PLCG2: variants seen among roughly 807,000 people sequenced by gnomAD.
PLCG2 encodes the protein 1-phosphatidylinositol 4,5-bisphosphate phosphodiesterase gamma-2.
Under a neutral mutation model 175.6 loss-of-function variants are expected in PLCG2, and 69 were observed. The ratio of observed to expected loss-of-function variants is 0.39; its 90% confidence interval spans 0.32 to 0.48. The LOEUF is 0.48. PLCG2 is among the 20% of genes least tolerant of loss of function. The pLI is 0.91. For synonymous variants in PLCG2, 827 were observed against 624.0 expected, an observed-to-expected ratio of 1.33 and a Z score of -4.85; for missense variants, 1,798 against 1,650.9, an observed-to-expected ratio of 1.09 and a Z score of -1.54.
At chr16:81,837,532 G>T (rs1478451964) in intron 2 of PLCG2, among the ~76,000 whole-genome samples, 4 of 152,208 alleles carry the variant, frequency 2.6e-5, no homozygotes, top group Non-Finnish European at 5.9e-5. Flanking sequence ...GATGCTCTCC[G>T]CAGGGACCCC....
chr16:81,788,709 A>G (rs1049910932), intron 2 of PLCG2, among the ~76,000 whole-genome samples: 3 of 152,198 alleles, frequency 2.0e-5, no homozygotes, highest in African/African-American at 4.8e-5. Flanking sequence ...AGTGTGATCA[A>G]ACTGCTTTCT....
intron 2 of PLCG2, among the ~76,000 whole-genome samples, chr16:81,774,234 C>G (rs1217971306): frequency 6.7e-6 from 1 of 149,660 alleles, no homozygotes; most frequent in Admixed American, 6.6e-5. Context: ...CCTGTAGTCC[C>G]AACTACTCAG....
intron 31 of PLCG2, among the ~76,000 whole-genome samples, chr16:81,949,561 C>A (rs2143763688): frequency 6.6e-6 from 1 of 152,232 alleles, no homozygotes; most frequent in Admixed American, 6.5e-5. Flanking sequence ...TTAGATATAT[C>A]ATGTATCCTA....
chr16:81,802,136 C>T (rs1294168448), intron 2 of PLCG2, among the ~76,000 whole-genome samples: 2 of 38,030 alleles, frequency 5.3e-5, no homozygotes, highest in East Asian at 1.6e-3. Context: ...TTTTTTGAGA[C>T]GGATCTCGCT....
intron 2 of PLCG2, among the ~76,000 whole-genome samples, chr16:81,830,133 A>G (rs1905202378): frequency 6.6e-6 from 1 of 152,022 alleles, no homozygotes; most frequent in South Asian, 2.1e-4. Context: ...TAGCCTGGGT[A>G]ACATGATGAA....
rs545416394 is a variant in PLCG2, at chr16:81,883,416, G to GCCTGTGCTCACCTGGTCA, written c.765+91_765+108dup. On this transcript the variant is annotated intron_variant, in intron 9 of 32. Transcript: ENST00000564138. ...TGGGGACTAGTCTCACCCTTCTGCC[G>GCCTGTGCTCACCTGGTCA]CCTGTGCTCACCTGGTCACCTGTGC... 2.0e-5 allele frequency: 25 copies of GCCTGTGCTCACCTGGTCA among 1,244,974 alleles called. 1 individual carries two copies. Among genetic ancestry groups the GCCTGTGCTCACCTGGTCA allele is most frequent in the East Asian group, 4.7e-5 (2 of 42,504 alleles). 77.1% of individuals were successfully genotyped at this position (1,244,974 alleles called of 1,614,324 possible).
chr16:81,898,956 G>C (rs914526934), intron 13 of PLCG2, among the ~76,000 whole-genome samples: 1 of 150,840 alleles, frequency 6.6e-6, no homozygotes, highest in Non-Finnish European at 1.5e-5. Flanking sequence ...AGGCTGAGGC[G>C]GGTGGATCAA....
chr16:81,904,728 C>T (rs1465555342), intron 14 of PLCG2, among the ~76,000 whole-genome samples: 2 of 152,154 alleles, frequency 1.3e-5, no homozygotes, highest in African/African-American at 4.8e-5. Flanking sequence ...GGAGACTCAA[C>T]AGGAAGCAAA....
At chr16:81,932,637 T>C (rs957179902) in intron 25 of PLCG2, among the ~76,000 whole-genome samples, 1 of 152,208 alleles carries the variant, frequency 6.6e-6, no homozygotes, top group Non-Finnish European at 1.5e-5. Flanking sequence ...GGGCCTCACA[T>C]CTTGGCCAGT....
chr16:81,877,659 T>G (rs192784402), intron 7 of PLCG2, among the ~76,000 whole-genome samples: 31 of 152,338 alleles, frequency 2.0e-4, no homozygotes, highest in African/African-American at 7.2e-4. Flanking sequence ...TGCTGGTGGC[T>G]GCCAGCAGTC....
chr16:81,885,727 G>A (rs1006275580), intron 9 of PLCG2, among the ~76,000 whole-genome samples: 3 of 152,060 alleles, frequency 2.0e-5, no homozygotes, highest in Non-Finnish European at 2.9e-5. Context: ...GGATTTCATT[G>A]ATGGAAGAGA....
chr16:81,899,964 A>G (rs1003198330), intron 13 of PLCG2, among the ~76,000 whole-genome samples: 12 of 152,334 alleles, frequency 7.9e-5, no homozygotes, highest in Middle Eastern at 3.4e-3. Context: ...GTATTTGCCA[A>G]TCAGTGTTGG....
chr16:81,815,461 C>A (rs1904502393), intron 2 of PLCG2, among the ~76,000 whole-genome samples: 6 of 152,218 alleles, frequency 3.9e-5, no homozygotes, highest in Admixed American at 3.3e-4. Context: ...TGAGAGACCA[C>A]CCCCTAGAGG....
In PLCG2 at chr16:81,910,704, C is replaced by T; in HGVS notation, c.1918C>T (p.Pro640Ser). Residue 640 changes from proline to serine, a missense_variant, in exon 18 of 33, where the codon CCC becomes TCC. Pro to Ser is a moderately conservative substitution (Grantham distance 74). Transcript: ENST00000564138. Reference protein sequence around the residue: ...RLTDPVPNPNPHESKPWYYDS... With the variant: ...RLTDPVPNPNSHESKPWYYDS... ...CACGGACCCTGTGCCCAACCCCAAC[C>T]CCCACGAGTCCAAGCCGTACGTGTC... 1 of 1,609,768 alleles carries T rather than the reference C, an allele frequency of 6.2e-7. No homozygotes were observed.
intron 23 of PLCG2, 141 bp from the exon 24 acceptor site, chr16:81,928,417 C>T: frequency 1.6e-6 from 1 of 639,860 alleles, no homozygotes; most frequent in Non-Finnish European, 2.9e-6. Flanking sequence ...AGCTCTCTCC[C>T]CATGGACGTA....
At chr16:81,886,383 C>G (rs561982672) in intron 9 of PLCG2, among the ~76,000 whole-genome samples, 7 of 152,350 alleles carry the variant, frequency 4.6e-5, no homozygotes, top group African/African-American at 1.7e-4. Flanking sequence ...GGAATAATCA[C>G]TGCAGCACTT....
At chr16:81,889,132 T>A in intron 9 of PLCG2, 40 bp from the exon 10 acceptor site, 1 of 1,219,810 alleles carries the variant, frequency 8.2e-7, no homozygotes, top group Non-Finnish European at 1.2e-6. Context: ...TTTTATCAGT[T>A]CTCACTTTGC....
intron 9 of PLCG2, among the ~76,000 whole-genome samples, chr16:81,887,062 G>A (rs1024159218): frequency 3.3e-5 from 5 of 152,006 alleles, no homozygotes. Flanking sequence ...AACTTTGTAG[G>A]GGGAAGGAAG....
At chr16:81,916,780 G>A (rs1909860640) in intron 19 of PLCG2, among the ~76,000 whole-genome samples, 1 of 152,096 alleles carries the variant, frequency 6.6e-6, no homozygotes, top group African/African-American at 2.4e-5. Context: ...TGGGATTACA[G>A]GCATGCACCA....
Sources: gnomAD v4.1 joint callset for allele counts (sites outside exome capture counted in the v4.1 genomes callset) on GRCh38, gnomAD v4.1.1 for gene constraint, MANE v1.5 for transcripts, NCBI Gene and HGNC (gene_info 2026-07-23, HGNC 2026-07-21) for gene names.